The following OCIAD2 variants were observed in gnomAD, a reference collection of about 807,000 sequenced individuals.
OCIAD2 encodes the protein OCIA domain containing 2.
OCIAD2 carries 29 observed loss-of-function variants against 22.9 expected under a neutral mutation model. The observed-to-expected ratio is 1.27, with a 90% CI of 0.94 to 1.73. The LOEUF is 1.73. Ranked by LOEUF, OCIAD2 falls within the 40% of genes most tolerant of loss-of-function variation. The pLI is 0.00. For synonymous variants in OCIAD2, 67 were observed against 60.2 expected, an observed-to-expected ratio of 1.11 and a Z score of -0.52; for missense variants, 189 against 180.3, an observed-to-expected ratio of 1.05 and a Z score of -0.28.
In OCIAD2 at chr4:48,892,945, T is replaced by C. The variant is rs1053772682; in HGVS notation, c.266-56A>G. 7 of 862,168 alleles carry C rather than the reference T, an allele frequency of 8.1e-6. No individual in the cohort carries two copies. The African/African-American group carries it at 1.0e-4, about 13-fold the overall frequency. 53.4% of individuals were successfully genotyped at this position (862,168 alleles called of 1,614,324 possible). A position where few individuals can be genotyped will look rare whatever the true frequency, so the allele number is the denominator to read the frequency against. Reference sequence around the variant, plus strand: ...AGAATCTTCTCCATTAGTTATTTTCTAGAGCTTTAAAAATCAACGCTGGTA... The same window carrying C: ...AGAATCTTCTCCATTAGTTATTTTCCAGAGCTTTAAAAATCAACGCTGGTA... On this transcript the variant is annotated intron_variant, in intron 5 of 6. Transcript: ENST00000508632.
intron 4 of OCIAD2, among the ~76,000 whole-genome samples, chr4:48,897,535 T>C (rs1781328649): frequency 6.6e-6 from 1 of 152,164 alleles, no homozygotes; most frequent in Non-Finnish European, 1.5e-5. Context: ...TCACCCAGGA[T>C]ACTCTCCCTA....
chr4:48,892,603 A>C (rs1367248573), intron 6 of OCIAD2, among the ~76,000 whole-genome samples, 169 bp downstream of exon 6: 1 of 152,228 alleles, frequency 6.6e-6, no homozygotes, highest in Non-Finnish European at 1.5e-5. Flanking sequence ...AGTAAGTGTA[A>C]TAACAAAGTT....
rs978666679 is a variant in OCIAD2 at position 48,895,112 on chromosome 4, T to C, written c.218-1059A>G. 4.6e-5 allele frequency among the ~76,000 whole-genome samples: 7 copies of C among 152,296 alleles called. No individual in the cohort carries two copies. In the South Asian group the frequency reaches 6.2e-4, roughly 14 times the overall value. The stretch of plus-strand genomic sequence containing the variant: ...ACCGGTTAAGAAATATGCATGGTTC[T>C]AGAAACGAGAAAGGAAAAGGAAGCC... On this transcript the variant is annotated intron_variant, in intron 4 of 6. Coordinates refer to ENST00000508632, the MANE Select transcript of OCIAD2 (RefSeq NM_001014446.3).
chr4:48,893,947 G>A, intron 5 of OCIAD2, 59 bp downstream of exon 5: 1 of 1,108,884 alleles, frequency 9.0e-7, no homozygotes, highest in Non-Finnish European at 1.3e-6. Flanking sequence ...CTCCCAAAGT[G>A]CTGGGATTAC....
chr4:48,899,725 C>CA, intron 3 of OCIAD2, 104 bp downstream of exon 3: 1 of 759,454 alleles, frequency 1.3e-6, no homozygotes, highest in Non-Finnish European at 2.1e-6. Context: ...CAGAGTTCAT[C>CA]AGATATTTAT....
At chr4:48,894,429 G>T (rs1409102337) in intron 4 of OCIAD2, among the ~76,000 whole-genome samples, 6 of 152,080 alleles carry the variant, frequency 3.9e-5, no homozygotes, top group South Asian at 2.1e-4. Flanking sequence ...GGAGGCGGAG[G>T]TTGCAGTGAG....
At chr4:48,889,507 G>C (rs78406428) in intron 6 of OCIAD2, among the ~76,000 whole-genome samples, 2 of 152,164 alleles carry the variant, frequency 1.3e-5, no homozygotes, top group East Asian at 3.8e-4. Context: ...CATGAAAAAG[G>C]CTCACCATCA....
chr4:48,904,694 T>C, intron 1 of OCIAD2, 83 bp from the exon 2 acceptor site: 1 of 750,626 alleles, frequency 1.3e-6, no homozygotes, highest in Non-Finnish European at 2.2e-6. Flanking sequence ...CCACTGGAGT[T>C]ATTTGGAAAA....
At chr4:48,906,218 C>T (rs1357568320) in intron 1 of OCIAD2, among the ~76,000 whole-genome samples, 1 of 152,128 alleles carries the variant, frequency 6.6e-6, no homozygotes, top group East Asian at 1.9e-4. Flanking sequence ...GTAGCTCCCA[C>T]CCCCCACGCT....
intron 6 of OCIAD2, among the ~76,000 whole-genome samples, chr4:48,887,458 C>T (rs1193921612): frequency 6.6e-6 from 1 of 152,204 alleles, no homozygotes; most frequent in East Asian, 1.9e-4. Flanking sequence ...TTCTAGGGTT[C>T]ATATGGTTTT....
intron 2 of OCIAD2, among the ~76,000 whole-genome samples, 194 bp from the exon 3 acceptor site, chr4:48,900,119 G>T (rs1371603672): frequency 1.3e-5 from 2 of 152,214 alleles, no homozygotes; most frequent in Non-Finnish European, 2.9e-5. Flanking sequence ...GGCAACAGAA[G>T]AATTCTAGTC....
Position 48,894,112 on chromosome 4 carries a change from T to G in OCIAD2, c.218-59A>C, listed in dbSNP as rs1168874152. The G allele has an allele frequency of 3.3e-6, 3 of 904,920 alleles. No homozygotes were observed. In the East Asian group the frequency reaches 9.5e-5, roughly 29 times the overall value. The allele number at this position is 904,920 out of a possible 1,614,324, so 56.1% of individuals were successfully genotyped here. On this transcript the variant is annotated intron_variant, in intron 4 of 6. Coordinates refer to ENST00000508632, the MANE Select transcript of OCIAD2 (RefSeq NM_001014446.3). Reference sequence around the variant, plus strand: ...ATTTCATAAATTAAATTATAAGTTATAAATTATAAGTTATTCTTAAAGTAT... The same window carrying G: ...ATTTCATAAATTAAATTATAAGTTAGAAATTATAAGTTATTCTTAAAGTAT...
intron 4 of OCIAD2, among the ~76,000 whole-genome samples, chr4:48,896,996 T>C (rs1036855244): frequency 3.9e-5 from 6 of 152,096 alleles, no homozygotes; most frequent in African/African-American, 1.4e-4. Context: ...TGCTGGTCCT[T>C]ACGGTCTCTT....
At chr4:48,889,426 C>T (rs562777231) in intron 6 of OCIAD2, among the ~76,000 whole-genome samples, 1 of 152,096 alleles carries the variant, frequency 6.6e-6, no homozygotes, top group East Asian at 1.9e-4. Context: ...AAAAAACAAC[C>T]CCATCAAAAA....
At chr4:48,896,524 T>C (rs1015496843) in intron 4 of OCIAD2, among the ~76,000 whole-genome samples, 2 of 148,480 alleles carry the variant, frequency 1.3e-5, no homozygotes, top group East Asian at 2.0e-4. Context: ...GCCCAGGAGG[T>C]TGAGACTGCA....
At chr4:48,897,886 G>C (rs1408232460) in intron 3 of OCIAD2, 29 bp from the exon 4 acceptor site, 1 of 1,580,768 alleles carries the variant, frequency 6.3e-7, no homozygotes, top group South Asian at 1.1e-5. Context: ...CTTCAATATT[G>C]GTATTTTAAA....
At chr4:48,886,259 G>A (rs1296208965) in intron 6 of OCIAD2, among the ~76,000 whole-genome samples, 6 of 152,020 alleles carry the variant, frequency 3.9e-5, no homozygotes, top group Admixed American at 3.3e-4. Flanking sequence ...TATTTCTGAG[G>A]GCTCTGTTCT....
At chr4:48,894,126 T>C (rs1197472801) in intron 4 of OCIAD2, 73 bp from the exon 5 acceptor site, 2 of 779,068 alleles carry the variant, frequency 2.6e-6, no homozygotes, top group Non-Finnish European at 3.6e-6. Flanking sequence ...TTATAAGTTA[T>C]TCTTAAAGTA....
chr4:48,906,589 C>G (rs1043625710), intron 1 of OCIAD2, 69 bp downstream of exon 1: 13 of 153,136 alleles, frequency 8.5e-5, no homozygotes, highest in African/African-American at 3.1e-4. Flanking sequence ...CGAAGGACTG[C>G]CCTGCGGCGC....
Sources: gnomAD v4.1 joint callset for allele counts (sites outside exome capture counted in the v4.1 genomes callset) on GRCh38, gnomAD v4.1.1 for gene constraint, MANE v1.5 for transcripts, NCBI Gene and HGNC (gene_info 2026-07-23, HGNC 2026-07-21) for gene names.